EEFSEC: variants seen among roughly 807,000 people sequenced by gnomAD.
The protein encoded by EEFSEC is eukaryotic elongation factor, selenocysteine-tRNA specific.
A neutral mutation model predicts 42.1 loss-of-function variants in EEFSEC; 43 were observed. The ratio of observed to expected loss-of-function variants is 1.02; its 90% confidence interval spans 0.80 to 1.32. EEFSEC has a LOEUF of 1.32. Ranked by LOEUF, EEFSEC falls within the 40% of genes most tolerant of loss-of-function variation. The probability of loss-of-function intolerance (pLI) is 0.00; values close to 1 mark genes in which losing one functional copy is unlikely to be tolerated. For missense variants in EEFSEC, 745 were observed against 803.6 expected (o/e 0.93, Z 0.88); for synonymous variants, 354 against 339.1 (o/e 1.04, Z -0.48).
chr3:128,282,915 C>T (rs891875665), intron 4 of EEFSEC, among the ~76,000 whole-genome samples: 3 of 152,222 alleles, frequency 2.0e-5, no homozygotes, highest in East Asian at 1.9e-4. Context: ...CAGGGCTGGC[C>T]GGAAGTCAGC....
intron 1 of EEFSEC, among the ~76,000 whole-genome samples, chr3:128,239,874 C>T (rs1174741969): frequency 1.3e-5 from 2 of 152,226 alleles, no homozygotes; most frequent in African/African-American, 4.8e-5. Context: ...TGACTGGGGC[C>T]TCCTTTGGCC....
At chr3:128,253,877 C>T (rs1362140884) in intron 2 of EEFSEC, among the ~76,000 whole-genome samples, 2 of 152,140 alleles carry the variant, frequency 1.3e-5, no homozygotes, top group African/African-American at 4.8e-5. Context: ...GTCACACTGA[C>T]CTTTGGAGCA....
At chr3:128,288,474 T>C (rs1459596234) in intron 4 of EEFSEC, among the ~76,000 whole-genome samples, 2 of 152,202 alleles carry the variant, frequency 1.3e-5, no homozygotes, top group African/African-American at 4.8e-5. Flanking sequence ...GAGTGGGGTT[T>C]TCCTTGTTGT....
At chr3:128,159,604 T>C (rs991127507) in intron 1 of EEFSEC, among the ~76,000 whole-genome samples, 4 of 152,166 alleles carry the variant, frequency 2.6e-5, no homozygotes, top group Non-Finnish European at 5.9e-5. Flanking sequence ...TGGCTCTGCT[T>C]TCCTCTGATC....
At chr3:128,389,754 G>C (rs2067885810) in intron 6 of EEFSEC, among the ~76,000 whole-genome samples, 1 of 152,266 alleles carries the variant, frequency 6.6e-6, no homozygotes, top group Admixed American at 6.5e-5. Context: ...GCTTAACGCC[G>C]AGAGCCTCAT....
chr3:128,372,717 C>G (rs1340350155), intron 6 of EEFSEC, among the ~76,000 whole-genome samples: 1 of 152,192 alleles, frequency 6.6e-6, no homozygotes. Flanking sequence ...TTCAGCACCC[C>G]CTGAGGTGGG....
At chr3:128,355,690 C>T (rs1440130535) in intron 5 of EEFSEC, among the ~76,000 whole-genome samples, 1 of 149,910 alleles carries the variant, frequency 6.7e-6, no homozygotes, top group Non-Finnish European at 1.5e-5. Context: ...ATTCTTGCAA[C>T]ATTTACTCAC....
chr3:128,260,679 T>C (rs2066287594), intron 2 of EEFSEC, among the ~76,000 whole-genome samples: 1 of 152,186 alleles, frequency 6.6e-6, no homozygotes. Context: ...TTCACCATGA[T>C]TGGTTTTCAG....
chr3:128,281,532 C>A (rs1335212312), intron 4 of EEFSEC, among the ~76,000 whole-genome samples: 2 of 152,164 alleles, frequency 1.3e-5, no homozygotes, highest in African/African-American at 4.8e-5. Flanking sequence ...AAGATACCAG[C>A]CTCTTGGAGG....
chr3:128,205,222 C>T (rs2065685594), intron 1 of EEFSEC, among the ~76,000 whole-genome samples: 1 of 152,224 alleles, frequency 6.6e-6, no homozygotes, highest in African/African-American at 2.4e-5. Flanking sequence ...GTCACCTGAA[C>T]ATTATTGGAC....
In EEFSEC at chr3:128,158,485, CCA is replaced by C. The variant is rs199790127; in HGVS notation, c.316+4665_316+4666del. 3.3e-5 allele frequency among the ~76,000 whole-genome samples: 5 copies of C among 152,258 alleles called. No individual in the cohort carries two copies. In the East Asian group the frequency reaches 9.6e-4, roughly 29 times the overall value. ...TTCATTGTCTTATTTCATTAGATTG[CCA>C]CAGTCACCCCAACCTTCATCAACCA... On this transcript the variant is annotated intron_variant, in intron 1 of 6. Coordinates refer to ENST00000254730, the MANE Select transcript of EEFSEC (RefSeq NM_021937.5).
chr3:128,169,440 G>A (rs2065273816), intron 1 of EEFSEC, among the ~76,000 whole-genome samples: 1 of 152,156 alleles, frequency 6.6e-6, no homozygotes, highest in African/African-American at 2.4e-5. Flanking sequence ...AGATAAGCGT[G>A]GCACATCCTA....
At chr3:128,205,838 G>A (rs1413726496) in intron 1 of EEFSEC, among the ~76,000 whole-genome samples, 3 of 152,192 alleles carry the variant, frequency 2.0e-5, no homozygotes, top group African/African-American at 7.2e-5. Flanking sequence ...ACTTCAGGAG[G>A]CCCTGGCCTG....
chr3:128,242,865 T>C (rs2066086307), intron 1 of EEFSEC, among the ~76,000 whole-genome samples: 1 of 152,218 alleles, frequency 6.6e-6, no homozygotes, highest in South Asian at 2.1e-4. Context: ...TTTTTTTGTC[T>C]TGTGTTTCCC....
At chr3:128,297,723 A>G (rs2066722269) in intron 4 of EEFSEC, among the ~76,000 whole-genome samples, 1 of 151,842 alleles carries the variant, frequency 6.6e-6, no homozygotes, top group South Asian at 2.1e-4. Flanking sequence ...TGGCTCTCCC[A>G]TGCTAAAAAT....
At chr3:128,316,103 G>A (rs745666515) in intron 4 of EEFSEC, among the ~76,000 whole-genome samples, 31 of 152,204 alleles carry the variant, frequency 2.0e-4, no homozygotes, top group Non-Finnish European at 3.4e-4. Flanking sequence ...AGTCTGTGGC[G>A]CAGAGGTATT....
chr3:128,270,170 G>C (rs1220913557), intron 4 of EEFSEC, among the ~76,000 whole-genome samples: 1 of 152,190 alleles, frequency 6.6e-6, no homozygotes, highest in East Asian at 1.9e-4. Context: ...CTGGCATCTA[G>C]GAGATACAAG....
intron 4 of EEFSEC, among the ~76,000 whole-genome samples, chr3:128,272,178 T>C (rs2066420531): frequency 6.6e-6 from 1 of 152,206 alleles, no homozygotes; most frequent in South Asian, 2.1e-4. Flanking sequence ...CCCACAGCTC[T>C]GGCTTTCCAT....
intron 1 of EEFSEC, among the ~76,000 whole-genome samples, chr3:128,238,060 T>C (rs1333130638): frequency 6.6e-6 from 1 of 152,196 alleles, no homozygotes; most frequent in Non-Finnish European, 1.5e-5. Context: ...CTGTTGACTG[T>C]TGGGCAATTA....
Sources: allele counts gnomAD v4.1 joint callset (sites outside exome capture counted in the v4.1 genomes callset), GRCh38; gene constraint gnomAD v4.1.1; transcripts MANE v1.5; gene names NCBI Gene and HGNC (gene_info 2026-07-23, HGNC 2026-07-21).